PKP4: variants seen among roughly 807,000 people sequenced by gnomAD.
The protein encoded by PKP4 is plakophilin-4.
A neutral mutation model predicts 145.1 loss-of-function variants in PKP4; 90 were observed. The ratio of observed to expected loss-of-function variants is 0.62; its 90% CI spans 0.52 to 0.74. PKP4 has a LOEUF of 0.74. Ranked by LOEUF, PKP4 falls within the 30% of genes least tolerant of loss-of-function variation. The probability of loss-of-function intolerance (pLI) is 0.00; values close to 1 mark genes in which losing one functional copy is unlikely to be tolerated. For missense variants in PKP4, 1,340 were observed against 1,482.7 expected (o/e 0.90, Z 1.58); for synonymous variants, 563 against 577.2 (o/e 0.98, Z 0.35).
In PKP4 at chr2:158,577,386, A is replaced by G; in HGVS notation, c.245+3A>G. The G allele has an allele frequency of 1.3e-6, 2 of 1,592,634 alleles. No individual in the cohort carries two copies. Among genetic ancestry groups the G allele is most frequent in the Non-Finnish European group, 1.7e-6 (2 of 1,161,630 alleles). ...TCACCAAGCATCGCCAGCACCAGGT[A>G]CAGGGCCAATGGCTCCATCTTTATG... On this transcript the variant is annotated splice_donor_region_variant and intron_variant, in intron 3 of 21. Coordinates refer to ENST00000389759, the MANE Select transcript of PKP4 (RefSeq NM_003628.6).
intron 2 of PKP4, among the ~76,000 whole-genome samples, chr2:158,575,412 A>C (rs1412594168): frequency 5.3e-5 from 8 of 152,218 alleles, no homozygotes. Context: ...TCAAGCAGGA[A>C]CTTTCCCAGC....
chr2:158,674,127 C>A, intron 19 of PKP4, 127 bp downstream of exon 19: 1 of 739,576 alleles, frequency 1.4e-6, no homozygotes, highest in Admixed American at 1.8e-5. Flanking sequence ...CAGCAGAGAA[C>A]CTTCTGTAGG....
At chr2:158,526,314 G>T (rs2042935545) in intron 1 of PKP4, among the ~76,000 whole-genome samples, 1 of 135,272 alleles carries the variant, frequency 7.4e-6, no homozygotes, top group Non-Finnish European at 1.6e-5. Context: ...TCCCTGGGAT[G>T]TAAGGCTGGT....
At chr2:158,579,582 A>G (rs2048152275) in intron 3 of PKP4, among the ~76,000 whole-genome samples, 1 of 152,212 alleles carries the variant, frequency 6.6e-6, no homozygotes, top group Non-Finnish European at 1.5e-5. Flanking sequence ...TGTGCACAGT[A>G]AAACAGATAC....
At chr2:158,640,472 CA>C (rs1246405355) in intron 9 of PKP4, among the ~76,000 whole-genome samples, 154 bp from the exon 10 acceptor site, 5 of 152,282 alleles carry the variant, frequency 3.3e-5, no homozygotes, top group East Asian at 3.9e-4. Context: ...ATATGTTCAT[CA>C]GGGGGAAAAA....
At chr2:158,633,821 A>G (rs960178794) in intron 8 of PKP4, among the ~76,000 whole-genome samples, 2 of 152,214 alleles carry the variant, frequency 1.3e-5, no homozygotes, top group African/African-American at 4.8e-5. Context: ...CTCAATGAAC[A>G]TACTATATAA....
chr2:158,586,208 AT>A (rs2048790481), intron 3 of PKP4, among the ~76,000 whole-genome samples: 1 of 152,078 alleles, frequency 6.6e-6, no homozygotes, highest in African/African-American at 2.4e-5. Flanking sequence ...TTTGGCTCTT[AT>A]GAATAGTGCT....
intron 2 of PKP4, among the ~76,000 whole-genome samples, chr2:158,574,444 T>C (rs2047671005): frequency 6.6e-6 from 1 of 152,214 alleles, no homozygotes; most frequent in Non-Finnish European, 1.5e-5. Flanking sequence ...TAATGAGCGT[T>C]ATTTTGGAAA....
chr2:158,669,838 C>T lies in PKP4; in HGVS notation c.2847C>T (p.Asn949=). The change falls in exon 17 of 22, where the codon AAC becomes AAT. Residue 949 remains asparagine, a synonymous_variant. Coordinates refer to ENST00000389759, the MANE Select transcript of PKP4 (RefSeq NM_003628.6). ...CCALHEVTSK[N]MENAKALADS... The stretch of plus-strand genomic sequence containing the variant: ...CTCTGCACGAGGTCACCAGCAAAAA[C>T]ATGGAGAACGCAAAAGCCCTGGCCG... 1.2e-6 allele frequency: 2 copies of T among 1,614,102 alleles called. No individual in the cohort carries two copies. The highest frequency in any genetic ancestry group is 1.3e-5 in the African/African-American group (1 of 75,060).
intron 1 of PKP4, among the ~76,000 whole-genome samples, chr2:158,502,460 C>T (rs925090295): frequency 6.6e-6 from 1 of 152,110 alleles, no homozygotes; most frequent in Non-Finnish European, 1.5e-5. Context: ...CTCTCAAATC[C>T]ATTTGAGCTT....
chr2:158,678,431 C>A, intron 20 of PKP4, 150 bp from the exon 21 acceptor site: 1 of 654,696 alleles, frequency 1.5e-6, no homozygotes. Context: ...TCCAGGGACC[C>A]TGAGCTGCTA....
intron 4 of PKP4, among the ~76,000 whole-genome samples, chr2:158,608,600 AG>A (rs2050842302): frequency 6.6e-6 from 1 of 152,128 alleles, no homozygotes; most frequent in Non-Finnish European, 1.5e-5. Flanking sequence ...GGAAGGAGGA[AG>A]GGTATTAACT....
chr2:158,542,181 G>A (rs954687290), intron 2 of PKP4, among the ~76,000 whole-genome samples: 3 of 152,138 alleles, frequency 2.0e-5, no homozygotes, highest in Non-Finnish European at 2.9e-5. Context: ...TGGAAGGGAT[G>A]CTGCTTACTG....
chr2:158,534,731 A>G (rs2043886839), intron 2 of PKP4, among the ~76,000 whole-genome samples: 1 of 152,212 alleles, frequency 6.6e-6, no homozygotes, highest in South Asian at 2.1e-4. Flanking sequence ...TTGAGACCAT[A>G]TACCCTACAT....
Position 158,666,486 on chromosome 2 carries a change from A to T in PKP4, c.2651A>T (p.Asp884Val). 1 of 1,613,708 alleles carries T rather than the reference A, an allele frequency of 6.2e-7. No homozygotes were observed. The highest frequency in any genetic ancestry group is 8.5e-7 in the Non-Finnish European group (1 of 1,179,804). ...ATCCTTGTGGAGCTTCTGAGAATGG[A>T]TAACGATAGAGTTGTTTCTTCCGTG... ...LPILVELLRM[D>V]NDRVVSSVAT... Residue 884 changes from aspartate (D) to valine (V), a missense_variant, in exon 16 of 22, where the codon GAT becomes GTT. Coordinates refer to ENST00000389759, the MANE Select transcript of PKP4 (RefSeq NM_003628.6).
intron 1 of PKP4, among the ~76,000 whole-genome samples, chr2:158,509,875 A>G (rs2105522992): frequency 6.7e-6 from 1 of 148,930 alleles, no homozygotes; most frequent in Non-Finnish European, 1.5e-5. Flanking sequence ...TGAACCCAGG[A>G]CGTGGAGGTT....
chr2:158,596,026 C>CT (rs11324166), intron 3 of PKP4, among the ~76,000 whole-genome samples: 22,592 of 147,768 alleles, frequency 0.15, 1,951 homozygotes, highest in Middle Eastern at 0.23. Context: ...ATGAGTTTAC[C>CT]TTTTTTTTTT....
At chr2:158,660,310 A>G (rs80180714) in intron 12 of PKP4, 470 of 152,808 alleles carry the variant, frequency 3.1e-3, no homozygotes, top group Non-Finnish European at 4.9e-3. Flanking sequence ...GTGCCAACCT[A>G]TGGCCCTGTG....
intron 17 of PKP4, among the ~76,000 whole-genome samples, chr2:158,671,178 T>G (rs566129264): frequency 4.6e-5 from 7 of 152,154 alleles, no homozygotes; most frequent in Non-Finnish European, 1.5e-5. Context: ...GAATATTTAT[T>G]AATTGGCCAA....
Sources: allele counts gnomAD v4.1 joint callset (sites outside exome capture counted in the v4.1 genomes callset), GRCh38; gene constraint gnomAD v4.1.1; transcripts MANE v1.5; gene names NCBI Gene and HGNC (gene_info 2026-07-23, HGNC 2026-07-21).